The following LRP2 variants were observed in gnomAD, a reference collection of about 807,000 sequenced individuals.
LRP2 encodes LDL receptor related protein 2.
In LRP2, 172 loss-of-function variants were observed where a neutral mutation model predicts 531.0. The ratio of observed to expected loss-of-function variants is 0.32; its 90% CI spans 0.29 to 0.37. The LOEUF (loss-of-function observed/expected upper bound fraction) is 0.37, where lower values mean the gene tolerates loss of function less well. LRP2 is among the 10% of genes least tolerant of loss of function. LRP2 has a pLI of 1.00. For missense variants in LRP2, 5,167 were observed against 5,868.3 expected, an observed-to-expected ratio of 0.88 and a Z score of 3.90; for synonymous variants, 1,992 against 2,027.6, an observed-to-expected ratio of 0.98 and a Z score of 0.47.
intron 2 of LRP2, among the ~76,000 whole-genome samples, chr2:169,320,350 T>C (rs1300082859): frequency 6.6e-6 from 1 of 152,240 alleles, no homozygotes; most frequent in Non-Finnish European, 1.5e-5. Flanking sequence ...CACAAGTTAT[T>C]CTACATCCTT....
At chr2:169,248,369 C>T (rs1690097519) in intron 19 of LRP2, among the ~76,000 whole-genome samples, 1 of 152,224 alleles carries the variant, frequency 6.6e-6, no homozygotes, top group South Asian at 2.1e-4. Context: ...GACCAATTTC[C>T]TTATCTGTGG....
intron 1 of LRP2, among the ~76,000 whole-genome samples, chr2:169,322,418 A>G (rs952324253): frequency 2.0e-4 from 30 of 152,184 alleles, no homozygotes; most frequent in African/African-American, 7.0e-4. Context: ...AGGAGTACGT[A>G]CACCCAAATA....
chr2:169,348,427 C>G (rs1397060495), intron 1 of LRP2, among the ~76,000 whole-genome samples: 2 of 152,156 alleles, frequency 1.3e-5, no homozygotes, highest in Non-Finnish European at 2.9e-5. Flanking sequence ...GAACAAGACC[C>G]ATGAATGTCC....
chr2:169,208,000 G>GA (rs1688456557), intron 38 of LRP2, among the ~76,000 whole-genome samples: 1 of 152,150 alleles, frequency 6.6e-6, no homozygotes, highest in South Asian at 2.1e-4. Flanking sequence ...AGGCCAATGT[G>GA]AAATATGTTA....
chr2:169,173,396 T>A (rs568526697), intron 56 of LRP2, among the ~76,000 whole-genome samples, 172 bp from the exon 57 acceptor site: 1 of 152,286 alleles, frequency 6.6e-6, no homozygotes, highest in Non-Finnish European at 1.5e-5. Flanking sequence ...AGCAGAAAAA[T>A]AGTCCTAAGT....
At chr2:169,187,546 T>C (rs1166450921) in intron 49 of LRP2, among the ~76,000 whole-genome samples, 2 of 152,126 alleles carry the variant, frequency 1.3e-5, no homozygotes, top group African/African-American at 2.4e-5. Context: ...CTTGTGGTGG[T>C]TGGGGTGAGA....
chr2:169,332,457 CA>C (rs1685292406), intron 1 of LRP2, among the ~76,000 whole-genome samples: 1 of 152,174 alleles, frequency 6.6e-6, no homozygotes, highest in Non-Finnish European at 1.5e-5. Flanking sequence ...TCAAGGTTAG[CA>C]ATCAGTGTCC....
intron 77 of LRP2, among the ~76,000 whole-genome samples, chr2:169,129,810 G>A (rs972091118): frequency 2.7e-4 from 41 of 152,226 alleles, no homozygotes; most frequent in African/African-American, 8.0e-4. Flanking sequence ...CCTGGACCAT[G>A]GTGCGTGGCC....
In LRP2 at chr2:169,145,915, G is replaced by T; in HGVS notation, c.12820C>A (p.Pro4274Thr). The stretch of plus-strand genomic sequence containing the variant: ...TCTTCAAAGATGTCCAGGCTGTAAG[G>T]GTTCATTGCTGCTTACCCACAGGGG... Reference protein sequence around the residue: ...RRVIAKEAMNPYSLDIFEDQL... With the variant: ...RRVIAKEAMNTYSLDIFEDQL... Residue 4274 changes from proline (P) to threonine (T), a missense_variant, in exon 70 of 79, where the codon CCT becomes ACT. Pro to Thr is a conservative substitution (Grantham distance 38). Around this residue, in one of 6 missense-constraint regions of LRP2, gnomAD observed 564 missense variants for 747.7 expected, o/e 0.75. Transcript: ENST00000649046. The T allele has an allele frequency of 6.2e-7, 1 of 1,613,952 alleles. No individual in the cohort carries two copies. Among genetic ancestry groups the T allele is most frequent in the Non-Finnish European group, 8.5e-7 (1 of 1,179,972 alleles).
At position 169,206,351 on chromosome 2, in the gene LRP2, T is replaced by C. The variant is rs1393601205; in HGVS notation, c.7369A>G (p.Thr2457Ala). ...TTACCTGAAGCAATGACAGTTGGAG[T>C]ATGGATCCCTGAAGACAGGGTGGCA... ...SYATLSSGIHTPTVIASGIGT... is the reference protein window; with the variant it reads ...SYATLSSGIHAPTVIASGIGT... The change falls in exon 39 of 79, where the codon ACT becomes GCT. Residue 2457 changes from threonine to alanine, a missense_variant. Physicochemically the swap from Thr to Ala is moderately conservative, Grantham distance 58. Transcript: ENST00000649046. 1 of 1,613,844 alleles carries C rather than the reference T, an allele frequency of 6.2e-7. No homozygotes were observed. Among genetic ancestry groups the C allele is most frequent in the East Asian group, 2.2e-5 (1 of 44,864 alleles).
At chr2:169,294,062 G>C in intron 6 of LRP2, 86 bp downstream of exon 6, 1 of 888,738 alleles carries the variant, frequency 1.1e-6, no homozygotes, top group Non-Finnish European at 1.9e-6. Context: ...TACATTGGTG[G>C]GGGAGCGGGG....
intron 70 of LRP2, among the ~76,000 whole-genome samples, chr2:169,145,427 A>C (rs1219738121): frequency 6.6e-6 from 1 of 152,238 alleles, no homozygotes; most frequent in South Asian, 2.1e-4. Flanking sequence ...CCCAACTCAC[A>C]TTTAGCAGGG....
chr2:169,142,006 C>G (rs987556116), intron 71 of LRP2, among the ~76,000 whole-genome samples: 2 of 152,182 alleles, frequency 1.3e-5, no homozygotes, highest in Admixed American at 1.3e-4. Context: ...TCAGCTAAAA[C>G]TGGGGGAAGG....
intron 1 of LRP2, among the ~76,000 whole-genome samples, chr2:169,337,099 T>A (rs1230048816): frequency 2.6e-5 from 4 of 152,130 alleles, no homozygotes; most frequent in Non-Finnish European, 4.4e-5. Flanking sequence ...CAGATCCCCA[T>A]GACATGGCCA....
At chr2:169,135,215 C>T (rs2105331393) in intron 76 of LRP2, among the ~76,000 whole-genome samples, 1 of 152,308 alleles carries the variant, frequency 6.6e-6, no homozygotes. Context: ...TCTCAGTGTT[C>T]CATCTGCTAT....
chr2:169,242,434 C>A (rs771035504), intron 24 of LRP2, among the ~76,000 whole-genome samples: 1 of 152,122 alleles, frequency 6.6e-6, no homozygotes, highest in Non-Finnish European at 1.5e-5. Context: ...TTTCTAAGAC[C>A]CTTGTAACTG....
At chr2:169,204,419 T>C in intron 41 of LRP2, 148 bp from the exon 42 acceptor site, 3 of 757,282 alleles carry the variant, frequency 4.0e-6, no homozygotes, top group Non-Finnish European at 6.8e-6. Context: ...GAAATGTTTC[T>C]TCTGGTGATG....
At chr2:169,165,275 A>G (rs1017651749) in intron 62 of LRP2, among the ~76,000 whole-genome samples, 12 of 152,220 alleles carry the variant, frequency 7.9e-5, no homozygotes, top group African/African-American at 2.7e-4. Context: ...TTCTAGGCAA[A>G]TTAAATTGCC....
rs747910703 is a variant in LRP2, at chr2:169,152,944, G to A, written c.12316C>T (p.Arg4106Ter). 3.1e-6 allele frequency: 5 copies of A among 1,613,846 alleles called. No homozygotes were observed. Among genetic ancestry groups the A allele is most frequent in the Non-Finnish European group, 4.2e-6 (5 of 1,179,900 alleles). Residue 4106 changes from arginine to a stop codon, truncating the protein, a stop_gained, in exon 67 of 79, where the codon CGA becomes TGA. Coordinates refer to ENST00000649046, the MANE Select transcript of LRP2 (RefSeq NM_004525.3). LOFTEE classifies it high-confidence loss of function. ...GCACCAAACCTAGAGCCCTCCCCTCGCACAGTGTAATACACAACACCTACA... is the reference window on the plus strand; with the variant it reads ...GCACCAAACCTAGAGCCCTCCCCTCACACAGTGTAATACACAACACCTACA... ...IGLSVVYYTV[R>*]GEGSRFGAIK...
Sources: allele counts gnomAD v4.1 joint callset (sites outside exome capture counted in the v4.1 genomes callset), GRCh38; gene constraint gnomAD v4.1.1; regional missense constraint gnomAD v4.1.1; transcripts MANE v1.5; gene names NCBI Gene and HGNC (gene_info 2026-07-23, HGNC 2026-07-21).